PCBP2: variants seen among roughly 807,000 people sequenced by gnomAD.
The protein encoded by PCBP2 is poly(rC)-binding protein 2.
In PCBP2, 4 loss-of-function variants were observed where a neutral mutation model predicts 50.1. The observed-to-expected ratio is 0.08, with a 90% CI of 0.04 to 0.18. The LOEUF (loss-of-function observed/expected upper bound fraction) is 0.18. PCBP2 is among the 10% of genes least tolerant of loss of function. PCBP2 has a pLI of 1.00. For synonymous variants in PCBP2, 179 were observed against 168.0 expected, an observed-to-expected ratio of 1.07 and a Z score of -0.51; for missense variants, 161 against 474.3, an observed-to-expected ratio of 0.34 and a Z score of 6.14.
chr12:53,460,817 C>T (rs1417631820), intron 6 of PCBP2, 198 bp from the exon 7 acceptor site: 2 of 494,894 alleles, frequency 4.0e-6, no homozygotes, highest in East Asian at 7.7e-5. Context: ...TCTTGTCTTT[C>T]AGTGGCTAAT....
rs113102617 is a variant in PCBP2 at position 53,470,002 on chromosome 12, T to C, written c.882+1170T>C. Among the ~76,000 whole-genome samples, 1,302 of 151,878 alleles carry C rather than the reference T, an allele frequency of 8.6e-3. 16 individuals carry two copies. The highest frequency in any genetic ancestry group is 0.03 in the African/African-American group (1,256 of 41,446). On this transcript the variant is annotated intron_variant, in intron 13 of 14. Coordinates refer to ENST00000546463, the MANE Select transcript of PCBP2 (RefSeq NM_031989.5). ...CTTACGTGATCCCCCCCCTTCAGCC[T>C]CCCAAAGCGTTGGGATTACAGGTGT... is the stretch of plus-strand genomic sequence containing the variant.
At chr12:53,464,922 G>A in intron 9 of PCBP2, 70 bp downstream of exon 9, 8 of 1,487,484 alleles carry the variant, frequency 5.4e-6, no homozygotes, top group Non-Finnish European at 7.1e-6. Flanking sequence ...CCAACACACG[G>A]GGGGCCAGTG....
chr12:53,459,167 G>A (rs541439636), intron 5 of PCBP2, 105 bp from the exon 6 acceptor site: 8 of 897,344 alleles, frequency 8.9e-6, no homozygotes, highest in African/African-American at 5.0e-5. Flanking sequence ...TTATGACCTC[G>A]CATGTCCTAA....
rs1941925025 is a variant in PCBP2, at chr12:53,467,863, A to AC, written c.826+20_826+21insC. 6.3e-7 allele frequency: 1 copy of AC among 1,579,184 alleles called. No homozygotes were observed. The highest frequency in any genetic ancestry group is 1.3e-5 in the African/African-American group (1 of 74,290). ...ATTGGGGTAATGATTAAAAAAAAAAAAATCTGTAGTATTCTACTGTTATAT... is the reference window on the plus strand; with the variant it reads ...ATTGGGGTAATGATTAAAAAAAAAAACAATCTGTAGTATTCTACTGTTATAT... On this transcript the variant is annotated intron_variant, in intron 12 of 14. Transcript: ENST00000546463.
chr12:53,474,523 G>A (rs1014259003), intron 14 of PCBP2, among the ~76,000 whole-genome samples: 10 of 150,126 alleles, frequency 6.7e-5, no homozygotes, highest in African/African-American at 2.4e-4. Context: ...TTCCTTGTTG[G>A]GTGATTGATG....
intron 14 of PCBP2, chr12:53,475,439 C>T (rs759040841): frequency 1.2e-4 from 36 of 295,712 alleles, no homozygotes; most frequent in Non-Finnish European, 2.1e-4. Flanking sequence ...TATCTAGAGC[C>T]ACAGTTTTCT....
intron 14 of PCBP2, chr12:53,475,750 T>A (rs1335247155): frequency 6.6e-6 from 1 of 152,214 alleles, no homozygotes; most frequent in East Asian, 1.9e-4. Context: ...GCTTTTTGAA[T>A]CCCAAGTGAA....
chr12:53,467,677 A>G (rs1158127680), intron 11 of PCBP2, 128 bp from the exon 12 acceptor site: 4 of 783,622 alleles, frequency 5.1e-6, no homozygotes, highest in Non-Finnish European at 6.6e-6. Context: ...CAAATTGTGT[A>G]GTGTTTTTTT....
At chr12:53,476,277 A>G (rs1220662634) in intron 14 of PCBP2, among the ~76,000 whole-genome samples, 1 of 152,134 alleles carries the variant, frequency 6.6e-6, no homozygotes, top group East Asian at 1.9e-4. Flanking sequence ...TTTGGAAGGA[A>G]CCTTAAGGAT....
chr12:53,457,036 T>A (rs975025257), intron 5 of PCBP2, among the ~76,000 whole-genome samples: 1 of 152,216 alleles, frequency 6.6e-6, no homozygotes, highest in African/African-American at 2.4e-5. Context: ...AGTTCTTTTT[T>A]ATACATCATA....
At chr12:53,469,808 C>G (rs1475886563) in intron 13 of PCBP2, among the ~76,000 whole-genome samples, 2 of 137,440 alleles carry the variant, frequency 1.5e-5, no homozygotes, top group African/African-American at 5.5e-5. Context: ...GTTTCCCAGG[C>G]TTGGCTCACT....
At chr12:53,473,362 C>T (rs968292574) in intron 14 of PCBP2, among the ~76,000 whole-genome samples, 6 of 152,200 alleles carry the variant, frequency 3.9e-5, no homozygotes, top group African/African-American at 1.4e-4. Context: ...GGATTACAGG[C>T]GTGAGCCACT....
intron 2 of PCBP2, 53 bp downstream of exon 2, chr12:53,454,922 G>C: frequency 6.9e-7 from 1 of 1,442,530 alleles, no homozygotes. Context: ...GGAGGGGCCA[G>C]GAAGAGCAGA....
chr12:53,469,857 C>T (rs944557519), intron 13 of PCBP2, among the ~76,000 whole-genome samples: 5 of 151,014 alleles, frequency 3.3e-5, no homozygotes, highest in Non-Finnish European at 1.5e-5. Context: ...TTTTCCTGCC[C>T]CAGCCTCCCG....
At chr12:53,466,011 C>G (rs759292477) in intron 10 of PCBP2, 38 bp downstream of exon 10, 2 of 1,590,148 alleles carry the variant, frequency 1.3e-6, no homozygotes, top group Non-Finnish European at 1.7e-6. Context: ...GAAAAGCTCC[C>G]TCTCCCATCC....
At chr12:53,454,426 AGTG>A (rs1940836375) in intron 1 of PCBP2, 2 of 176,316 alleles carry the variant, frequency 1.1e-5, no homozygotes, top group South Asian at 1.2e-4. Flanking sequence ...CTGAAGGACA[AGTG>A]GTGCACGTTC....
At chr12:53,467,733 T>G in intron 11 of PCBP2, 72 bp from the exon 12 acceptor site, 1 of 1,199,178 alleles carries the variant, frequency 8.3e-7, no homozygotes, top group Non-Finnish European at 1.2e-6. Context: ...GGGGCTTTTC[T>G]GTATAAGGAA....
At chr12:53,476,454 C>G (rs1942587689) in intron 14 of PCBP2, among the ~76,000 whole-genome samples, 1 of 152,148 alleles carries the variant, frequency 6.6e-6, no homozygotes, top group Non-Finnish European at 1.5e-5. Flanking sequence ...TTTTCTTATA[C>G]TAAGATGGGC....
intron 7 of PCBP2, 80 bp downstream of exon 7, chr12:53,461,223 A>G (rs1941423214): frequency 2.7e-6 from 4 of 1,499,616 alleles, no homozygotes; most frequent in Non-Finnish European, 3.6e-6. Context: ...TAGTAAGACT[A>G]GAATTAAGTG....
Sources: allele counts gnomAD v4.1 joint callset (sites outside exome capture counted in the v4.1 genomes callset), GRCh38; gene constraint gnomAD v4.1.1; transcripts MANE v1.5; gene names NCBI Gene and HGNC (gene_info 2026-07-23, HGNC 2026-07-21).